SLC14A2: variants seen among roughly 807,000 people sequenced by gnomAD.
SLC14A2 encodes the protein urea transporter 2.
In SLC14A2, 91 loss-of-function variants were observed where a neutral mutation model predicts 104.6. The observed-to-expected ratio is 0.87, with a 90% CI of 0.73 to 1.04. SLC14A2 has a LOEUF of 1.04. Among genes scored for constraint, SLC14A2 ranks in the 50% least tolerant of loss-of-function variants. The pLI is 0.00. For missense variants in SLC14A2, 1,189 were observed against 1,156.0 expected (o/e 1.03, Z -0.41); for synonymous variants, 476 against 466.4 (o/e 1.02, Z -0.27).
chr18:45,413,097 A>G (rs912836046), intron 1 of SLC14A2, among the ~76,000 whole-genome samples: 2 of 152,196 alleles, frequency 1.3e-5, no homozygotes, highest in Non-Finnish European at 2.9e-5. Context: ...GACAAATAGA[A>G]CCTAGGGTCC....
intron 1 of SLC14A2, among the ~76,000 whole-genome samples, chr18:45,482,840 G>A (rs76085975): frequency 0.075 from 11,395 of 152,220 alleles, 550 homozygotes; most frequent in East Asian, 0.21. Context: ...GGGGATCAAA[G>A]GGAATCATCT....
Position 45,273,244 on chromosome 18 carries a change from C to G in SLC14A2, c.-125+60053C>G, listed in dbSNP as rs73952824. Among the ~76,000 whole-genome samples, 820 of 152,218 alleles carry G rather than the reference C, an allele frequency of 5.4e-3. 7 individuals carry two copies. The highest frequency in any genetic ancestry group is 0.018 in the African/African-American group (764 of 41,542). On this transcript the variant is annotated intron_variant, in intron 1 of 20. Transcript: ENST00000586448. ...CCATCCAACAGTTCCAAGATTACAT[C>G]CTCATAGCTGTAAGCTCAGCAGTAA...
chr18:45,632,589 C>A (rs1371943680), intron 5 of SLC14A2, 111 bp downstream of exon 5: 2 of 1,193,090 alleles, frequency 1.7e-6, no homozygotes, highest in Non-Finnish European at 2.4e-6. Context: ...CCCTTCATAG[C>A]CAAGTTAGCT....
intron 2 of SLC14A2, among the ~76,000 whole-genome samples, chr18:45,595,858 C>T (rs1043907402): frequency 6.6e-6 from 1 of 152,296 alleles, no homozygotes; most frequent in South Asian, 2.1e-4. Context: ...CTCTGATGTT[C>T]GGAGCGAACA....
intron 10 of SLC14A2, among the ~76,000 whole-genome samples, chr18:45,652,333 G>A (rs2045755167): frequency 6.6e-6 from 1 of 152,222 alleles, no homozygotes; most frequent in Admixed American, 6.5e-5. Flanking sequence ...TCTACCCCAA[G>A]TGGAACTAGA....
At chr18:45,329,165 G>A (rs2085265427) in intron 1 of SLC14A2, among the ~76,000 whole-genome samples, 2 of 152,206 alleles carry the variant, frequency 1.3e-5, no homozygotes, top group South Asian at 4.1e-4. Context: ...TCTTTGACAA[G>A]GTCTGGGGAG....
At chr18:45,536,060 G>A (rs569258794) in intron 2 of SLC14A2, among the ~76,000 whole-genome samples, 2 of 152,160 alleles carry the variant, frequency 1.3e-5, no homozygotes, top group African/African-American at 4.8e-5. Flanking sequence ...AAAAATACAG[G>A]GATATGAAGA....
chr18:45,231,547 C>T (rs1325584728), intron 1 of SLC14A2, among the ~76,000 whole-genome samples: 4 of 152,208 alleles, frequency 2.6e-5, no homozygotes, highest in Admixed American at 2.0e-4. Flanking sequence ...TGCTTTCTCA[C>T]AGCTTGTGAC....
intron 1 of SLC14A2, among the ~76,000 whole-genome samples, chr18:45,266,777 C>T (rs548650516): frequency 3.3e-5 from 5 of 152,272 alleles, no homozygotes; most frequent in East Asian, 1.9e-4. Flanking sequence ...AATTGTATAG[C>T]TATGGCTGTC....
chr18:45,322,338 G>A (rs1032916995), intron 1 of SLC14A2, among the ~76,000 whole-genome samples: 1 of 152,140 alleles, frequency 6.6e-6, no homozygotes, highest in Non-Finnish European at 1.5e-5. Context: ...GTGACTCAGT[G>A]CATCAATTCT....
intron 2 of SLC14A2, among the ~76,000 whole-genome samples, chr18:45,608,931 A>T (rs775608122): frequency 2.0e-5 from 3 of 152,204 alleles, no homozygotes; most frequent in African/African-American, 7.2e-5. Flanking sequence ...TAGCTGGTCC[A>T]GAGGATGTCT....
rs147577118 is a variant in SLC14A2, at chr18:45,597,519, G to A, written c.-34-27112G>A. ...TAGTGGTGAGTGTTTTGGGGAAAAC[G>A]GTAACTAAAAGGGTTGGAAAGTTGG... On this transcript the variant is annotated intron_variant, in intron 2 of 20. Coordinates refer to the SLC14A2 transcript ENST00000586448. 4.6e-5 allele frequency among the ~76,000 whole-genome samples: 7 copies of A among 152,276 alleles called. No individual in the cohort carries two copies. In the East Asian group the frequency reaches 1.2e-3, roughly 25 times the overall value.
At chr18:45,648,452 A>G (rs951145761) in intron 10 of SLC14A2, among the ~76,000 whole-genome samples, 22 of 152,048 alleles carry the variant, frequency 1.4e-4, no homozygotes, top group South Asian at 4.2e-4. Flanking sequence ...TGATTCGCCC[A>G]CCTCGGCCTC....
chr18:45,258,084 C>G (rs1048096243), intron 1 of SLC14A2, among the ~76,000 whole-genome samples: 1 of 152,196 alleles, frequency 6.6e-6, no homozygotes, highest in Non-Finnish European at 1.5e-5. Flanking sequence ...CCGTTTCATT[C>G]TCACCACCAT....
chr18:45,204,169 C>G, the SLC14A2 span, among the ~76,000 whole-genome samples: 2 of 152,098 alleles, frequency 1.3e-5, no homozygotes, highest in Admixed American at 1.3e-4. Context: ...ATAAAAAAAT[C>G]TAAGAGGAAT....
intron 2 of SLC14A2, among the ~76,000 whole-genome samples, chr18:45,557,686 T>C (rs1214076606): frequency 6.6e-6 from 1 of 152,186 alleles, no homozygotes; most frequent in Non-Finnish European, 1.5e-5. Flanking sequence ...CTGGAGTTTG[T>C]GAGTTAGGCA....
At chr18:45,378,474 A>T (rs892240637) in intron 1 of SLC14A2, among the ~76,000 whole-genome samples, 2 of 152,170 alleles carry the variant, frequency 1.3e-5, no homozygotes, top group Admixed American at 1.3e-4. Flanking sequence ...TTTCTTTACA[A>T]CTGTGAGATG....
At chr18:45,303,949 TGTG>T (rs376791556) in intron 1 of SLC14A2, among the ~76,000 whole-genome samples, 85 of 152,296 alleles carry the variant, frequency 5.6e-4, no homozygotes, top group African/African-American at 1.9e-3. Flanking sequence ...TTTAACAAGA[TGTG>T]GTGATGAATT....
intron 2 of SLC14A2, among the ~76,000 whole-genome samples, chr18:45,608,084 A>C (rs1480978423): frequency 1.3e-5 from 2 of 152,230 alleles, no homozygotes; most frequent in Non-Finnish European, 2.9e-5. Context: ...TTAGAGTACG[A>C]TGAATTTTTT....
Sources: allele counts gnomAD v4.1 joint callset (sites outside exome capture counted in the v4.1 genomes callset), GRCh38; gene constraint gnomAD v4.1.1; transcripts MANE v1.5; gene names NCBI Gene and HGNC (gene_info 2026-07-23, HGNC 2026-07-21).